The following ZNF609 variants were observed in gnomAD, a reference collection of about 807,000 sequenced individuals.
ZNF609 encodes the protein zinc finger protein 609.
ZNF609 carries 11 observed loss-of-function variants against 109.5 expected under a neutral mutation model. The observed-to-expected ratio is 0.10, with a 90% CI of 0.06 to 0.17. The LOEUF (loss-of-function observed/expected upper bound fraction) is 0.17. Ranked by LOEUF, ZNF609 falls within the 10% of genes least tolerant of loss-of-function variation. ZNF609 has a pLI of 1.00. For synonymous variants in ZNF609, 646 were observed against 662.0 expected, an observed-to-expected ratio of 0.98 and a Z score of 0.37; for missense variants, 1,559 against 1,772.4, an observed-to-expected ratio of 0.88 and a Z score of 2.16.
chr15:64,488,341 A>G (rs1893360377), intron 1 of ZNF609, among the ~76,000 whole-genome samples: 1 of 152,332 alleles, frequency 6.6e-6, no homozygotes, highest in South Asian at 2.1e-4. Flanking sequence ...ATTGAGGAGA[A>G]CAGTGTTCAT....
At chr15:64,534,592 G>A (rs1894112338) in intron 2 of ZNF609, among the ~76,000 whole-genome samples, 1 of 152,034 alleles carries the variant, frequency 6.6e-6, no homozygotes, top group Non-Finnish European at 1.5e-5. Context: ...TGGGATCATA[G>A]GCATGAGCCA....
chr15:64,626,551 G>A (rs986138625), intron 3 of ZNF609, among the ~76,000 whole-genome samples: 7 of 152,138 alleles, frequency 4.6e-5, no homozygotes, highest in Non-Finnish European at 8.8e-5. Flanking sequence ...ACAGCTCAGA[G>A]AGAAGCTGTG....
chr15:64,483,177 C>A (rs1313478508), intron 1 of ZNF609, among the ~76,000 whole-genome samples: 2 of 152,042 alleles, frequency 1.3e-5, no homozygotes, highest in Non-Finnish European at 2.9e-5. Flanking sequence ...CTCCCTGCAA[C>A]CTCCACCTTC....
chr15:64,562,195 T>C (rs997546539), intron 2 of ZNF609, among the ~76,000 whole-genome samples: 1 of 152,230 alleles, frequency 6.6e-6, no homozygotes, highest in Non-Finnish European at 1.5e-5. Context: ...TTTGGCATAG[T>C]GCCAAGAACA....
At chr15:64,464,217 G>A (rs1892980353) in intron 1 of ZNF609, among the ~76,000 whole-genome samples, 1 of 152,140 alleles carries the variant, frequency 6.6e-6, no homozygotes, top group Non-Finnish European at 1.5e-5. Context: ...TTGTTGAGGG[G>A]TTTACTGATT....
At chr15:64,583,183 C>G (rs536242308) in intron 2 of ZNF609, among the ~76,000 whole-genome samples, 3 of 151,736 alleles carry the variant, frequency 2.0e-5, no homozygotes, top group South Asian at 2.1e-4. Flanking sequence ...CAGGCACCCG[C>G]CACCACACCC....
At chr15:64,620,105 C>T (rs945906135) in intron 2 of ZNF609, among the ~76,000 whole-genome samples, 1 of 152,168 alleles carries the variant, frequency 6.6e-6, no homozygotes, top group African/African-American at 2.4e-5. Context: ...AGGACATGTG[C>T]AAGCAAGGCA....
At chr15:64,525,966 T>G (rs1225030278) in intron 2 of ZNF609, among the ~76,000 whole-genome samples, 3 of 152,034 alleles carry the variant, frequency 2.0e-5, no homozygotes, top group African/African-American at 7.2e-5. Context: ...TTTTTTGTAT[T>G]TTTAGTAGAG....
chr15:64,675,512 C>G lies in ZNF609; in HGVS notation c.2658C>G (p.Ser886Arg), dbSNP rs779930338. 6 of 1,614,138 alleles carry G rather than the reference C, an allele frequency of 3.7e-6. No individual in the cohort carries two copies. Among genetic ancestry groups the G allele is most frequent in the Non-Finnish European group, 4.2e-6 (5 of 1,180,042 alleles). Reference sequence around the variant, plus strand: ...CTCTTTTTCCCCCTCAGCCTCAGAGCAAAGACTCACCATATTACCAAGGCT... The same window carrying G: ...CTCTTTTTCCCCCTCAGCCTCAGAGGAAAGACTCACCATATTACCAAGGCT... The part of the protein sequence containing the change: ...KKTLFPPQPQ[S>R]KDSPYYQGFE... Residue 886 changes from serine to arginine, a missense_variant, in exon 5 of 10, where the codon AGC (serine) becomes AGG (arginine). Ser to Arg is a moderately radical substitution (Grantham distance 110). Around this residue, in one of 4 missense-constraint regions of ZNF609, gnomAD observed 1,204 missense variants for 1,314.1 expected, o/e 0.92. Coordinates refer to ENST00000326648, the MANE Select transcript of ZNF609 (RefSeq NM_015042.2).
In ZNF609 at chr15:64,680,275, G is replaced by A. The variant is rs1404266408; in HGVS notation, c.3860G>A (p.Ser1287Asn). Residue 1287 changes from serine (S) to asparagine (N), a missense_variant, in exon 7 of 10, where the codon AGT (serine) becomes AAT (asparagine). By Grantham distance (46) the Ser-to-Asn change is conservative (BLOSUM62 1). Around this residue, in one of 4 missense-constraint regions of ZNF609, gnomAD observed 1,204 missense variants for 1,314.1 expected, o/e 0.92. Transcript: ENST00000326648. ...GCTGACAAGGCACGAGCCAGCCCCA[G>A]TGTGACTTGTAAATCCAGCTCAGAG... ...EDADKARASPSVTCKSSSESK... is the reference protein window; with the variant it reads ...EDADKARASPNVTCKSSSESK... 2.5e-6 allele frequency: 4 copies of A among 1,614,084 alleles called. No individual in the cohort carries two copies. Among genetic ancestry groups the A allele is most frequent in the Non-Finnish European group, 3.4e-6 (4 of 1,180,052 alleles).
chr15:64,647,438 A>C (rs1896351861), intron 3 of ZNF609, among the ~76,000 whole-genome samples: 1 of 152,224 alleles, frequency 6.6e-6, no homozygotes, highest in Admixed American at 6.5e-5. Flanking sequence ...GACAAAGTCA[A>C]AATTCACCAA....
intron 2 of ZNF609, among the ~76,000 whole-genome samples, chr15:64,609,068 CTTTCTT>C (rs1163785459): frequency 7.6e-4 from 18 of 23,552 alleles, no homozygotes; most frequent in African/African-American, 1.5e-3. Context: ...TTTAATTTTT[CTTTCTT>C]TCTTTCTTTC....
intron 2 of ZNF609, among the ~76,000 whole-genome samples, chr15:64,579,389 G>A (rs1306941058): frequency 6.9e-6 from 1 of 144,534 alleles, no homozygotes; most frequent in Non-Finnish European, 1.5e-5. Context: ...CAGTCTGGGT[G>A]ATAGAGCAAG....
At position 64,678,004 on chromosome 15, in the gene ZNF609, C is replaced by T. The variant is rs1428536465; in HGVS notation, c.3403-112C>T. On this transcript the variant is annotated intron_variant, in intron 5 of 9. Coordinates refer to ENST00000326648, the MANE Select transcript of ZNF609 (RefSeq NM_015042.2). ...AGTAGAGGCCAAAATCCTACTCTGC[C>T]CCAGGTGTCTAGTACTAATTATCTG... 12 of 1,397,958 alleles carry T rather than the reference C, an allele frequency of 8.6e-6. No homozygotes were observed. The Admixed American group carries it at 2.0e-4, about 23-fold the overall frequency. 86.6% of individuals were successfully genotyped at this position (1,397,958 alleles called of 1,614,324 possible). A position where few individuals can be genotyped will look rare whatever the true frequency, so the allele number is the denominator to read the frequency against.
intron 3 of ZNF609, among the ~76,000 whole-genome samples, chr15:64,644,981 T>TTCTTTCTTTCTTTCTTTCTTTCTTTC (rs67157103): frequency 2.2e-4 from 31 of 139,646 alleles, no homozygotes; most frequent in African/African-American, 8.4e-4. Context: ...CTTTCTTTCT[T>TTCTTTCTTTCTTTCTTTCTTTCTTTC]TTTCTTTCTT....
chr15:64,625,207 C>G (rs1895934160), intron 3 of ZNF609, among the ~76,000 whole-genome samples: 1 of 152,176 alleles, frequency 6.6e-6, no homozygotes, highest in South Asian at 2.1e-4. Flanking sequence ...TTTTGCTCAT[C>G]ATTGTATCCA....
intron 2 of ZNF609, among the ~76,000 whole-genome samples, chr15:64,614,413 T>C (rs1895767055): frequency 6.6e-6 from 1 of 151,836 alleles, no homozygotes; most frequent in South Asian, 2.1e-4. Context: ...TATTTTTATT[T>C]TTAGTAGAGA....
chr15:64,653,362 G>A (rs939071532), intron 3 of ZNF609, among the ~76,000 whole-genome samples: 4 of 151,954 alleles, frequency 2.6e-5, no homozygotes, highest in African/African-American at 9.7e-5. Flanking sequence ...CTTCCTGGAA[G>A]CGCCAGGCGC....
chr15:64,604,555 T>C (rs900046903), intron 2 of ZNF609, among the ~76,000 whole-genome samples: 1 of 152,248 alleles, frequency 6.6e-6, no homozygotes, highest in Non-Finnish European at 1.5e-5. Flanking sequence ...TGGTCCATTC[T>C]TGTTCAGCAT....
Sources: gnomAD v4.1 joint callset for allele counts (sites outside exome capture counted in the v4.1 genomes callset) on GRCh38, gnomAD v4.1.1 for gene constraint, gnomAD v4.1.1 regional missense constraint, MANE v1.5 for transcripts, NCBI Gene and HGNC (gene_info 2026-07-23, HGNC 2026-07-21) for gene names.